Variants in CCSER1 observed in about 807,000 individuals in gnomAD.
CCSER1 encodes the protein serine-rich coiled-coil domain-containing protein 1.
Under a neutral mutation model 82.0 loss-of-function variants are expected in CCSER1, and 41 were observed. The ratio of observed to expected loss-of-function variants is 0.50; its 90% confidence interval spans 0.39 to 0.65. The LOEUF is 0.65. CCSER1 is among the 30% of genes least tolerant of loss of function. CCSER1 has a pLI of 0.00. For missense variants in CCSER1, 1,119 were observed against 1,064.2 expected (o/e 1.05, Z -0.72); for synonymous variants, 414 against 383.9 (o/e 1.08, Z -0.92).
intron 10 of CCSER1, among the ~76,000 whole-genome samples, chr4:91,332,624 G>A (rs539705582): frequency 9.9e-5 from 15 of 151,768 alleles, no homozygotes; most frequent in East Asian, 1.9e-4. Context: ...TTATTACAGC[G>A]CTACAAAAGG....
intron 5 of CCSER1, among the ~76,000 whole-genome samples, chr4:90,621,403 A>C (rs1185450978): frequency 6.6e-6 from 1 of 151,818 alleles, no homozygotes; most frequent in South Asian, 2.1e-4. Context: ...GCAGCCAACA[A>C]TGTCTGCACA....
intron 9 of CCSER1, among the ~76,000 whole-genome samples, chr4:90,931,068 ATATAT>A (rs1260174077): frequency 6.7e-6 from 1 of 149,568 alleles, no homozygotes; most frequent in African/African-American, 2.4e-5. Context: ...TTCTTGGAAT[ATATAT>A]TATATCCTTG....
At position 90,578,935 on chromosome 4, in the gene CCSER1, T is replaced by G. The variant is rs57508133; in HGVS notation, c.1725-49090T>G. On this transcript the variant is annotated intron_variant, in intron 5 of 10. Transcript: ENST00000509176. ...ATCTATTTCATCTATTTTAAAGCAT[T>G]GGTACTAATGATACAAGAATGCAAA... Among the ~76,000 whole-genome samples the G allele has an allele frequency of 8.8e-3, 1,173 of 133,848 alleles. 11 individuals carry two copies. Among genetic ancestry groups the G allele is most frequent in the African/African-American group, 0.034 (1,088 of 32,116 alleles). 87.8% of individuals were successfully genotyped at this position (133,848 alleles called of 152,430 possible). A position where few individuals can be genotyped will look rare whatever the true frequency, so the allele number is the denominator to read the frequency against.
intron 10 of CCSER1, among the ~76,000 whole-genome samples, chr4:91,429,761 T>C (rs1372647554): frequency 6.6e-6 from 1 of 151,946 alleles, no homozygotes; most frequent in Non-Finnish European, 1.5e-5. Flanking sequence ...TTTTATTATA[T>C]TTTCATCTGA....
chr4:91,319,840 C>T (rs1179457451), intron 10 of CCSER1: 6 of 389,230 alleles, frequency 1.5e-5, no homozygotes, highest in Non-Finnish European at 2.6e-5. Context: ...GTAGTTCCCC[C>T]TCATCTGCAT....
chr4:90,508,212 T>C (rs891210184), intron 5 of CCSER1, among the ~76,000 whole-genome samples: 1 of 152,058 alleles, frequency 6.6e-6, no homozygotes, highest in Non-Finnish European at 1.5e-5. Flanking sequence ...TTACGTTGGG[T>C]ATACAGTGAG....
At chr4:90,508,133 G>A (rs776099367) in intron 5 of CCSER1, among the ~76,000 whole-genome samples, 1 of 152,032 alleles carries the variant, frequency 6.6e-6, no homozygotes, top group Non-Finnish European at 1.5e-5. Flanking sequence ...GACTGGGAAA[G>A]TAATGGATGC....
intron 5 of CCSER1, among the ~76,000 whole-genome samples, chr4:90,606,919 T>C (rs1351734783): frequency 6.6e-6 from 1 of 152,210 alleles, no homozygotes; most frequent in Non-Finnish European, 1.5e-5. Flanking sequence ...CAAATAGTTA[T>C]CTTTTAAAAA....
At chr4:91,164,023 A>ATCGATGG (rs1731749552) in intron 10 of CCSER1, among the ~76,000 whole-genome samples, 1 of 152,132 alleles carries the variant, frequency 6.6e-6, no homozygotes, top group Non-Finnish European at 1.5e-5. Context: ...TCTTCCAAGC[A>ATCGATGG]TCGATGGCCT....
chr4:91,136,601 C>T (rs28559581), intron 10 of CCSER1, among the ~76,000 whole-genome samples: 108,629 of 151,956 alleles, frequency 0.71, 39,213 homozygotes, highest in Non-Finnish European at 0.78. Flanking sequence ...TTGTGTTTTC[C>T]GAATGTAATG....
At chr4:90,315,357 A>G (rs1255338116) in intron 3 of CCSER1, among the ~76,000 whole-genome samples, 2 of 152,230 alleles carry the variant, frequency 1.3e-5, no homozygotes, top group Non-Finnish European at 2.9e-5. Context: ...TTGGATTTAC[A>G]GATGAAACTT....
intron 10 of CCSER1, among the ~76,000 whole-genome samples, chr4:91,498,508 C>A (rs1004602099): frequency 1.3e-5 from 2 of 151,368 alleles, no homozygotes; most frequent in Admixed American, 1.3e-4. Flanking sequence ...TTTTTCTGCA[C>A]TTCTCTTTCT....
At chr4:91,326,968 GCC>G (rs1476810569) in intron 10 of CCSER1, among the ~76,000 whole-genome samples, 5 of 152,170 alleles carry the variant, frequency 3.3e-5, no homozygotes, top group African/African-American at 1.2e-4. Context: ...GGGCAGCTCT[GCC>G]TCTGTGGCTC....
chr4:90,952,579 G>T (rs1733024124), intron 9 of CCSER1, among the ~76,000 whole-genome samples: 1 of 151,992 alleles, frequency 6.6e-6, no homozygotes, highest in Non-Finnish European at 1.5e-5. Flanking sequence ...ATAAAAATGG[G>T]ACTTGTTTAC....
chr4:91,019,165 G>C (rs1739700059), intron 9 of CCSER1, among the ~76,000 whole-genome samples: 1 of 151,112 alleles, frequency 6.6e-6, no homozygotes, highest in Non-Finnish European at 1.5e-5. Flanking sequence ...GCTGTTTCAA[G>C]ATACTTCCTT....
intron 10 of CCSER1, among the ~76,000 whole-genome samples, chr4:91,205,454 C>T (rs1203945543): frequency 6.6e-6 from 1 of 151,710 alleles, no homozygotes; most frequent in Admixed American, 6.6e-5. Context: ...AATTTAAGTT[C>T]ATTTTACATG....
chr4:90,791,877 TTAATAGGCTA>T (rs1290972100), intron 7 of CCSER1, among the ~76,000 whole-genome samples: 1 of 151,226 alleles, frequency 6.6e-6, no homozygotes, highest in Non-Finnish European at 1.5e-5. Flanking sequence ...TATTGAACAC[TTAATAGGCTA>T]AAGTATAGGC....
chr4:90,133,382 G>A (rs752088664), intron 1 of CCSER1, among the ~76,000 whole-genome samples: 1 of 152,128 alleles, frequency 6.6e-6, no homozygotes, highest in Non-Finnish European at 1.5e-5. Flanking sequence ...TAGTTATAAT[G>A]CAAAGGGTAT....
chr4:90,632,113 G>A (rs533602525), intron 6 of CCSER1, among the ~76,000 whole-genome samples: 7 of 151,942 alleles, frequency 4.6e-5, no homozygotes, highest in Non-Finnish European at 8.8e-5. Context: ...AAGCATTAAC[G>A]CTGAGATCTA....
Sources: gnomAD v4.1 joint callset for allele counts (sites outside exome capture counted in the v4.1 genomes callset) on GRCh38, gnomAD v4.1.1 for gene constraint, MANE v1.5 for transcripts, NCBI Gene and HGNC (gene_info 2026-07-23, HGNC 2026-07-21) for gene names.